Variants in RBKS observed in about 807,000 individuals in gnomAD.
RBKS encodes the protein ribokinase.
Under a neutral mutation model 33.9 loss-of-function variants are expected in RBKS, and 33 were observed. The ratio of observed to expected loss-of-function variants is 0.97; its 90% confidence interval spans 0.74 to 1.30. The LOEUF (loss-of-function observed/expected upper bound fraction) is 1.30. Ranked by LOEUF, RBKS falls within the 50% of genes most tolerant of loss-of-function variation. The probability of loss-of-function intolerance (pLI) is 0.00; values close to 1 mark genes in which losing one functional copy is unlikely to be tolerated. For missense variants in RBKS, 361 were observed against 392.6 expected (o/e 0.92, Z 0.68); for synonymous variants, 125 against 143.0 (o/e 0.87, Z 0.90).
At chr2:27,815,377 T>C (rs898684801) in intron 7 of RBKS, among the ~76,000 whole-genome samples, 1 of 152,064 alleles carries the variant, frequency 6.6e-6, no homozygotes, top group African/African-American at 2.4e-5. Flanking sequence ...TGGCTAACTT[T>C]TTTTGTCGAA....
chr2:27,879,077 T>C (rs1373034807), intron 1 of RBKS, among the ~76,000 whole-genome samples: 1 of 152,192 alleles, frequency 6.6e-6, no homozygotes. Flanking sequence ...AGCACATCCA[T>C]GATTTTGCTT....
At chr2:27,856,894 C>T (rs1663868902) in intron 2 of RBKS, among the ~76,000 whole-genome samples, 1 of 152,166 alleles carries the variant, frequency 6.6e-6, no homozygotes, top group African/African-American at 2.4e-5. Context: ...TAATCAGCCA[C>T]CTCTCACAGA....
chr2:27,828,644 G>T (rs1280524437), intron 6 of RBKS, among the ~76,000 whole-genome samples: 1 of 152,046 alleles, frequency 6.6e-6, no homozygotes, highest in African/African-American at 2.4e-5. Context: ...AAATCAGGGG[G>T]CTTTCAACAA....
intron 7 of RBKS, among the ~76,000 whole-genome samples, chr2:27,805,699 C>T (rs1047274091): frequency 1.3e-5 from 2 of 151,798 alleles, no homozygotes; most frequent in Non-Finnish European, 2.9e-5. Context: ...CTCAGCCTCC[C>T]GAGTAGCTGG....
At chr2:27,792,865 C>A (rs1677564920) in intron 7 of RBKS, among the ~76,000 whole-genome samples, 2 of 151,116 alleles carry the variant, frequency 1.3e-5, no homozygotes, top group African/African-American at 4.9e-5. Flanking sequence ...CCCAGAGTAC[C>A]TCATTTTGCC....
intron 4 of RBKS, among the ~76,000 whole-genome samples, chr2:27,846,208 T>G (rs962919193): frequency 2.0e-5 from 3 of 152,232 alleles, no homozygotes; most frequent in African/African-American, 7.2e-5. Flanking sequence ...CCTCAAATGA[T>G]CCACCTGCCT....
At chr2:27,867,095 C>A (rs1282848660) in intron 1 of RBKS, among the ~76,000 whole-genome samples, 6 of 58,888 alleles carry the variant, frequency 1.0e-4, no homozygotes, top group African/African-American at 3.2e-4. Context: ...CAGAGTAAGA[C>A]CCTGTCTCAA....
intron 1 of RBKS, among the ~76,000 whole-genome samples, chr2:27,887,646 A>C (rs905625460): frequency 6.6e-6 from 1 of 152,296 alleles, no homozygotes; most frequent in East Asian, 1.9e-4. Context: ...ATGGGAATAC[A>C]GTTTTTACTA....
chr2:27,830,422 T>C (rs1040627228), intron 6 of RBKS, among the ~76,000 whole-genome samples: 1 of 151,996 alleles, frequency 6.6e-6, no homozygotes, highest in African/African-American at 2.4e-5. Context: ...CGTGCCACCA[T>C]GCCCAGCTAA....
intron 7 of RBKS, among the ~76,000 whole-genome samples, chr2:27,782,343 T>C (rs1477408692): frequency 1.3e-5 from 2 of 151,814 alleles, no homozygotes; most frequent in Non-Finnish European, 2.9e-5. Flanking sequence ...AACACTTAGC[T>C]AATTTTTAAA....
chr2:27,879,029 A>G (rs564570034), intron 1 of RBKS, among the ~76,000 whole-genome samples: 138 of 152,318 alleles, frequency 9.1e-4, no homozygotes, highest in Middle Eastern at 3.4e-3. Flanking sequence ...CTCAGCAGAT[A>G]CCATGCAAGC....
At chr2:27,852,260 C>T (rs1049899182) in intron 2 of RBKS, among the ~76,000 whole-genome samples, 1 of 152,208 alleles carries the variant, frequency 6.6e-6, no homozygotes, top group Non-Finnish European at 1.5e-5. Context: ...CCAATACAGA[C>T]ACTCGAAATA....
chr2:27,847,181 C>T (rs1663638283), intron 3 of RBKS, 77 bp from the exon 4 acceptor site: 6 of 831,804 alleles, frequency 7.2e-6, no homozygotes. Context: ...TTCAATACAA[C>T]ACTAATCCTT....
Position 27,843,235 on chromosome 2 carries a change from T to C in RBKS, c.350-4A>G. Reference sequence around the variant, plus strand: ...ACTATGACAATGATATTCTGGCCTATAAAGAAATTCCACCTATTATATTAA... The same window carrying C: ...ACTATGACAATGATATTCTGGCCTACAAAGAAATTCCACCTATTATATTAA... On this transcript the variant is annotated splice_region_variant and splice_polypyrimidine_tract_variant and intron_variant, in intron 4 of 7. Coordinates refer to ENST00000302188, the MANE Select transcript of RBKS (RefSeq NM_022128.3). 2.5e-6 allele frequency: 4 copies of C among 1,596,912 alleles called. No homozygotes were observed. The highest frequency in any genetic ancestry group is 2.3e-5 in the East Asian group (1 of 44,360).
intron 2 of RBKS, among the ~76,000 whole-genome samples, chr2:27,848,400 A>G (rs1343616725): frequency 6.6e-6 from 1 of 152,190 alleles, no homozygotes; most frequent in Non-Finnish European, 1.5e-5. Flanking sequence ...ACCATCATCA[A>G]TCCTCAATAT....
chr2:27,868,375 TC>T (rs1280948250), intron 1 of RBKS, among the ~76,000 whole-genome samples: 1 of 152,142 alleles, frequency 6.6e-6, no homozygotes, highest in Non-Finnish European at 1.5e-5. Context: ...AAGTGAGAGT[TC>T]AAAAGGTATT....
chr2:27,867,366 G>A (rs1664122309), intron 1 of RBKS, among the ~76,000 whole-genome samples: 1 of 152,114 alleles, frequency 6.6e-6, no homozygotes, highest in Non-Finnish European at 1.5e-5. Context: ...ATAATACAAT[G>A]GGGTGAGAAC....
intron 1 of RBKS, among the ~76,000 whole-genome samples, chr2:27,881,759 A>G (rs1664421091): frequency 6.6e-6 from 1 of 152,148 alleles, no homozygotes; most frequent in South Asian, 2.1e-4. Flanking sequence ...CCCCAAAATA[A>G]GGCCACATAC....
At chr2:27,860,594 G>GTA (rs991921905) in intron 1 of RBKS, among the ~76,000 whole-genome samples, 20 of 152,160 alleles carry the variant, frequency 1.3e-4, no homozygotes, top group East Asian at 1.9e-4. Flanking sequence ...TTACTGGGAT[G>GTA]TATATATATA....
Sources: gnomAD v4.1 joint callset for allele counts (sites outside exome capture counted in the v4.1 genomes callset) on GRCh38, gnomAD v4.1.1 for gene constraint, MANE v1.5 for transcripts, NCBI Gene and HGNC (gene_info 2026-07-23, HGNC 2026-07-21) for gene names.